Variants in PPP4R3A observed in about 807,000 individuals in gnomAD.
The protein encoded by PPP4R3A is protein phosphatase 4 regulatory subunit 3A.
PPP4R3A carries 15 observed loss-of-function variants against 91.7 expected under a neutral mutation model. The observed-to-expected ratio is 0.16, with a 90% CI of 0.11 to 0.25. PPP4R3A has a LOEUF of 0.25. Ranked by LOEUF, PPP4R3A falls within the 10% of genes least tolerant of loss-of-function variation. The pLI is 1.00. For synonymous variants in PPP4R3A, 377 were observed against 348.7 expected (o/e 1.08, Z -0.91); for missense variants, 623 against 998.4 (o/e 0.62, Z 5.07).
In PPP4R3A at chr14:91,465,406, A is replaced by G; in HGVS notation, c.1674T>C (p.Phe558=). ...HAFLALCALR[F]KRKIIGLKDE... ...CTTTTAATCCAATAATCTTTCTTTT[A>G]AAACGAAGGGCACCTGAAACACAGA... is the stretch of plus-strand genomic sequence containing the variant. Residue 558 remains phenylalanine (F), a synonymous_variant, in exon 11 of 15, where the codon TTT becomes TTC. Coordinates refer to ENST00000554943, the MANE Select transcript of PPP4R3A (RefSeq NM_001366432.2). 6.3e-7 allele frequency: 1 copy of G among 1,593,762 alleles called. No individual in the cohort carries two copies. The highest frequency in any genetic ancestry group is 8.5e-7 in the Non-Finnish European group (1 of 1,173,228).
chr14:91,500,214 C>CT (rs1158130174), intron 1 of PPP4R3A, among the ~76,000 whole-genome samples: 1 of 29,166 alleles, frequency 3.4e-5, no homozygotes, highest in Non-Finnish European at 6.2e-5. Context: ...GCACTCAATA[C>CT]TTTTTTTTGA....
At chr14:91,490,967 C>A (rs1052054533) in intron 1 of PPP4R3A, among the ~76,000 whole-genome samples, 165 bp from the exon 2 acceptor site, 1 of 149,540 alleles carries the variant, frequency 6.7e-6, no homozygotes, top group Non-Finnish European at 1.5e-5. Flanking sequence ...TGCACTGGCA[C>A]GATCCTCAGC....
intron 9 of PPP4R3A, among the ~76,000 whole-genome samples, chr14:91,472,821 A>AAAACAACC (rs1888935892): frequency 2.0e-5 from 1 of 50,982 alleles, no homozygotes; most frequent in South Asian, 7.4e-4. Flanking sequence ...GCTTTTGATA[A>AAAACAACC]AAACAACCAA....
In PPP4R3A at chr14:91,461,422, C is replaced by T. The variant is rs139686419; in HGVS notation, c.2350G>A (p.Val784Ile). The change falls in exon 14 of 15, where the codon GTA (valine) becomes ATA (isoleucine). Residue 784 changes from valine to isoleucine, a missense_variant. Physicochemically the swap from Val to Ile is conservative, Grantham distance 29. Around this residue, in one of 5 missense-constraint regions of PPP4R3A, gnomAD observed 201 missense variants for 229.9 expected, o/e 0.87. Coordinates refer to ENST00000554943, the MANE Select transcript of PPP4R3A (RefSeq NM_001366432.2). ...SPGSPGSPGS[V>I]PKNTSQTAAI... ...GCCGTCTGAGATGTATTTTTAGGTA[C>T]GGATCCAGGAGAGCCTGGAGATCCT... 1.5e-4 allele frequency: 239 copies of T among 1,613,518 alleles called. No homozygotes were observed. The highest frequency in any genetic ancestry group is 1.4e-3 in the Admixed American group (83 of 59,978).
At chr14:91,507,924 C>A (rs1036122932) in intron 1 of PPP4R3A, among the ~76,000 whole-genome samples, 7 of 152,004 alleles carry the variant, frequency 4.6e-5, no homozygotes, top group African/African-American at 1.7e-4. Flanking sequence ...GAGTTTGAGA[C>A]CAGCCTTGGC....
At position 91,509,767 on chromosome 14, in the gene PPP4R3A, CCGCCGCTGGGCGCCGCGGGGCCG is replaced by C; in HGVS notation, c.-143_-121del. 1 of 1,296,558 alleles carries C rather than the reference CCGCCGCTGGGCGCCGCGGGGCCG, an allele frequency of 7.7e-7. No homozygotes were observed. The highest frequency in any genetic ancestry group is 3.3e-5 in the East Asian group (1 of 30,156). The allele number at this position is 1,296,558 out of a possible 1,614,324, so 80.3% of individuals were successfully genotyped here. On this transcript the variant is annotated 5_prime_UTR_variant, in exon 1 of 15. An upstream open reading frame in the 5' UTR loses its in-frame stop. Coordinates refer to ENST00000554943, the MANE Select transcript of PPP4R3A (RefSeq NM_001366432.2). The stretch of plus-strand genomic sequence containing the variant: ...AGCGGAGGGCTCCCCGGCCTCACTG[CCGCCGCTGGGCGCCGCGGGGCCG>C]CGCCGCCGCCTGCATGGCCCGCTCC...
At chr14:91,478,433 CTG>C (rs1378323988) in intron 4 of PPP4R3A, among the ~76,000 whole-genome samples, 1 of 152,258 alleles carries the variant, frequency 6.6e-6, no homozygotes, top group Non-Finnish European at 1.5e-5. Flanking sequence ...CTGCATTAAA[CTG>C]TACCTCAATC....
intron 4 of PPP4R3A, 136 bp from the exon 5 acceptor site, chr14:91,477,122 T>TC (rs1438491068): frequency 1.5e-6 from 1 of 670,162 alleles, no homozygotes; most frequent in Non-Finnish European, 2.4e-6. Context: ...TTTTTTTTTT[T>TC]TTTAACAGAA....
rs1887854028 is a variant in PPP4R3A, at chr14:91,457,744, T to C, written c.*1015A>G. 1 of 152,638 alleles carries C rather than the reference T, an allele frequency of 6.6e-6. No individual in the cohort carries two copies. The highest frequency in any genetic ancestry group is 1.5e-5 in the Non-Finnish European group (1 of 68,024). 9.5% of individuals were successfully genotyped at this position (152,638 alleles called of 1,614,324 possible). A position where few individuals can be genotyped will look rare whatever the true frequency, so the allele number is the denominator to read the frequency against. On this transcript the variant is annotated 3_prime_UTR_variant, in exon 15 of 15. Coordinates refer to ENST00000554943, the MANE Select transcript of PPP4R3A (RefSeq NM_001366432.2). ...TTCAGAATCTCTTTGGAATACTAAT[T>C]TCATGTTTCTAGATTTAACAAAACT...
Position 91,473,077 on chromosome 14 carries a change from G to C in PPP4R3A, c.1457C>G (p.Thr486Ser). ...FFYKHCMHVL[T>S]APLLANTTED... ...TGTTGTATTTGCTAGTAAAGGAGCA[G>C]TGAGAACATGCATACAGTGCTTGTA... The change falls in exon 9 of 15, where the codon ACT becomes AGT. Residue 486 changes from threonine (T) to serine (S), a missense_variant. Physicochemically the swap from Thr to Ser is moderately conservative, Grantham distance 58. This residue lies in a region of PPP4R3A where 87 missense variants were observed against 233.9 expected (regional missense o/e 0.37). Coordinates refer to ENST00000554943, the MANE Select transcript of PPP4R3A (RefSeq NM_001366432.2). The C allele has an allele frequency of 6.2e-7, 1 of 1,614,150 alleles. No individual in the cohort carries two copies. The highest frequency in any genetic ancestry group is 8.5e-7 in the Non-Finnish European group (1 of 1,180,038).
rs10542688 is a variant in PPP4R3A, at chr14:91,497,341, T to TACACAC, written c.143-6545_143-6540dup. ...TATCTCCCAAGAGGAATCTTTTATT[T>TACACAC]ACACACACACACACACACACACACA... is the stretch of plus-strand genomic sequence containing the variant. On this transcript the variant is annotated intron_variant, in intron 1 of 14. Transcript: ENST00000554943. Among the ~76,000 whole-genome samples, 962 of 148,494 alleles carry TACACAC rather than the reference T, an allele frequency of 6.5e-3. 14 individuals are homozygous for TACACAC. Among genetic ancestry groups the TACACAC allele is most frequent in the East Asian group, 0.039 (193 of 4,988 alleles).
intron 1 of PPP4R3A, 80 bp from the exon 2 acceptor site, chr14:91,490,882 T>A: frequency 1.2e-5 from 7 of 583,520 alleles, no homozygotes; most frequent in East Asian, 3.8e-5. Flanking sequence ...ACATATTTCC[T>A]TAAAAAAAAT....
chr14:91,495,255 T>G (rs1393715843), intron 1 of PPP4R3A, among the ~76,000 whole-genome samples: 1 of 148,948 alleles, frequency 6.7e-6, no homozygotes, highest in East Asian at 2.0e-4. Context: ...TGAAAACATA[T>G]GAAATTAAAG....
At chr14:91,488,083 C>T (rs148755424) in intron 2 of PPP4R3A, among the ~76,000 whole-genome samples, 18 of 152,104 alleles carry the variant, frequency 1.2e-4, no homozygotes, top group Admixed American at 3.3e-4. Flanking sequence ...CAGCTAGTTA[C>T]GGGGCTGAGG....
chr14:91,496,579 CCCTT>C (rs1482694977), intron 1 of PPP4R3A, among the ~76,000 whole-genome samples: 4 of 152,192 alleles, frequency 2.6e-5, no homozygotes, highest in Non-Finnish European at 5.9e-5. Flanking sequence ...TTGACGTACT[CCCTT>C]CCAAAGTTCT....
At chr14:91,483,170 T>C (rs933520848) in intron 3 of PPP4R3A, among the ~76,000 whole-genome samples, 21 of 152,208 alleles carry the variant, frequency 1.4e-4, no homozygotes, top group African/African-American at 4.3e-4. Flanking sequence ...AATTTTGTTA[T>C]CTTGGCCCTA....
rs2140186104 is a variant in PPP4R3A at position 91,510,075 on chromosome 14, C to T, written c.-428G>A. ...GCCGCCATATTTTCCTTCCTTATAC[C>T]TGGCCCTGCCACCGCGGCCAGTGGC... On this transcript the variant is annotated 5_prime_UTR_variant, in exon 1 of 15. Transcript: ENST00000554943. 1 of 410,110 alleles carries T rather than the reference C, an allele frequency of 2.4e-6. No individual in the cohort carries two copies. The highest frequency in any genetic ancestry group is 3.3e-6 in the Non-Finnish European group (1 of 302,738). 25.4% of individuals were successfully genotyped at this position (410,110 alleles called of 1,614,324 possible). A position where few individuals can be genotyped will look rare whatever the true frequency, so the allele number is the denominator to read the frequency against.
chr14:91,499,056 G>A (rs1354578563), intron 1 of PPP4R3A, among the ~76,000 whole-genome samples: 3 of 151,806 alleles, frequency 2.0e-5, no homozygotes, highest in Non-Finnish European at 4.4e-5. Flanking sequence ...CAAAGTGCTG[G>A]GATTACAGAT....
chr14:91,478,961 TTATC>T (rs553541355), intron 4 of PPP4R3A, among the ~76,000 whole-genome samples: 519 of 152,342 alleles, frequency 3.4e-3, no homozygotes, highest in Non-Finnish European at 5.9e-3. Context: ...CATATTACAC[TTATC>T]TGCAGCGGTG....
Sources: allele counts gnomAD v4.1 joint callset (sites outside exome capture counted in the v4.1 genomes callset), GRCh38; gene constraint gnomAD v4.1.1; regional missense constraint gnomAD v4.1.1; transcripts MANE v1.5; gene names NCBI Gene and HGNC (gene_info 2026-07-23, HGNC 2026-07-21).